Variants in ANKS1B observed in about 807,000 individuals in gnomAD.
ANKS1B encodes the protein ankyrin repeat and sterile alpha motif domain containing 1B.
A neutral mutation model predicts 148.3 loss-of-function variants in ANKS1B; 36 were observed. That is an observed-to-expected ratio of 0.24 (90% CI 0.19 to 0.32). The LOEUF is 0.32. Among genes scored for constraint, ANKS1B ranks in the 10% least tolerant of loss-of-function variants. ANKS1B has a pLI of 1.00. For missense variants in ANKS1B, 1,157 were observed against 1,542.6 expected (o/e 0.75, Z 4.19); for synonymous variants, 542 against 560.8 (o/e 0.97, Z 0.47).
In ANKS1B at chr12:98,801,242, T is replaced by G. The variant is rs139784054; in HGVS notation, c.3142-117A>C. On this transcript the variant is annotated intron_variant, in intron 20 of 26. Coordinates refer to ENST00000683438, the MANE Select transcript of ANKS1B (RefSeq NM_001352186.2). The surrounding 1 kb of genome is among the most constrained non-coding windows in gnomAD (Gnocchi z 5.2). ...GTGAATGTACCAAAATGCATTTGGG[T>G]GTCTTATGTGAATATAAATACTTGG... The G allele has an allele frequency of 1.3e-3, 1,224 of 929,162 alleles. 9 individuals carry two copies. In the African/African-American group the frequency reaches 0.018, roughly 14 times the overall value. The allele number at this position is 929,162 out of a possible 1,614,324, so 57.6% of individuals were successfully genotyped here.
chr12:99,304,722 A>G (rs1322372241), intron 12 of ANKS1B, among the ~76,000 whole-genome samples: 4 of 152,146 alleles, frequency 2.6e-5, no homozygotes, highest in Non-Finnish European at 5.9e-5. Flanking sequence ...TCTGTTTATC[A>G]TAGGCTCTGG....
chr12:99,454,118 A>G (rs2095805777), intron 10 of ANKS1B, among the ~76,000 whole-genome samples: 1 of 152,218 alleles, frequency 6.6e-6, no homozygotes, highest in Non-Finnish European at 1.5e-5. Context: ...GCTTGGCTGA[A>G]GCACAGGATA....
At chr12:99,356,264 G>A (rs537749064) in intron 12 of ANKS1B, among the ~76,000 whole-genome samples, 3 of 152,248 alleles carry the variant, frequency 2.0e-5, no homozygotes, top group East Asian at 1.9e-4. Flanking sequence ...CTGTGCCAGC[G>A]TAAGTTGCTG....
At chr12:98,958,403 G>A (rs1465590196) in intron 17 of ANKS1B, among the ~76,000 whole-genome samples, 1 of 152,140 alleles carries the variant, frequency 6.6e-6, no homozygotes, top group African/African-American at 2.4e-5. Flanking sequence ...ATACTCACTC[G>A]AATGTGATAG....
At chr12:99,757,761 T>TA (rs994226783) in intron 8 of ANKS1B, among the ~76,000 whole-genome samples, 1 of 151,946 alleles carries the variant, frequency 6.6e-6, no homozygotes, top group African/African-American at 2.4e-5. Context: ...TATGCCACCA[T>TA]AAAAAAGAAT....
At chr12:99,820,844 C>T (rs1476274385) in intron 2 of ANKS1B, among the ~76,000 whole-genome samples, 1 of 151,816 alleles carries the variant, frequency 6.6e-6, no homozygotes, top group Non-Finnish European at 1.5e-5. Flanking sequence ...CTGGTAAAAG[C>T]ATAGACTTAG....
chr12:99,200,182 C>T (rs1334141948), intron 14 of ANKS1B, among the ~76,000 whole-genome samples: 3 of 152,200 alleles, frequency 2.0e-5, no homozygotes, highest in African/African-American at 4.8e-5. Context: ...AAAATACTTG[C>T]ATTCTAGTTT....
At chr12:99,434,431 T>C (rs1165985611) in intron 11 of ANKS1B, among the ~76,000 whole-genome samples, 1 of 152,132 alleles carries the variant, frequency 6.6e-6, no homozygotes, top group Non-Finnish European at 1.5e-5. Context: ...TGTATTTCAT[T>C]TTTGATGAAC....
chr12:99,630,291 C>T (rs977476563), intron 9 of ANKS1B, among the ~76,000 whole-genome samples: 1 of 152,176 alleles, frequency 6.6e-6, no homozygotes, highest in Non-Finnish European at 1.5e-5. Context: ...TCTAATAAAG[C>T]ACTGATGCAT....
chr12:99,805,650 T>A (rs1197687389), intron 4 of ANKS1B, among the ~76,000 whole-genome samples: 1 of 151,898 alleles, frequency 6.6e-6, no homozygotes, highest in East Asian at 1.9e-4. Context: ...ATAATAATAA[T>A]AAAATATACT....
intron 12 of ANKS1B, among the ~76,000 whole-genome samples, chr12:99,330,336 C>A (rs2087260634): frequency 1.3e-5 from 2 of 151,870 alleles, no homozygotes; most frequent in South Asian, 4.1e-4. Context: ...ATGCACATAT[C>A]CAGTACATAA....
intron 15 of ANKS1B, among the ~76,000 whole-genome samples, chr12:99,136,380 T>C (rs1293910503): frequency 2.6e-5 from 4 of 152,132 alleles, no homozygotes; most frequent in African/African-American, 7.2e-5. Flanking sequence ...AGGTCTCTAG[T>C]ATTATGGGGT....
intron 12 of ANKS1B, among the ~76,000 whole-genome samples, chr12:99,344,582 C>G (rs995812239): frequency 2.0e-5 from 3 of 151,906 alleles, no homozygotes; most frequent in Non-Finnish European, 2.9e-5. Flanking sequence ...TAGTTAAACC[C>G]TAGATATCAA....
intron 17 of ANKS1B, among the ~76,000 whole-genome samples, chr12:99,046,607 G>A (rs1178175513): frequency 6.6e-6 from 1 of 151,946 alleles, no homozygotes; most frequent in East Asian, 1.9e-4. Context: ...AGACCATCCT[G>A]GCTAACACGC....
chr12:99,769,042 C>A (rs935709323), intron 8 of ANKS1B, among the ~76,000 whole-genome samples: 1 of 151,310 alleles, frequency 6.6e-6, no homozygotes, highest in African/African-American at 2.4e-5. Flanking sequence ...ACCCAATCTA[C>A]GCTAATTTGT....
In ANKS1B at chr12:99,984,567, T is replaced by C. The variant is rs74314936; in HGVS notation, c.-330A>G. 8,959 of 234,794 alleles carry C rather than the reference T, an allele frequency of 0.038. 1,012 individuals carry two copies. Among genetic ancestry groups the C allele is most frequent in the East Asian group, 0.37 (4,202 of 11,206 alleles). 14.5% of individuals were successfully genotyped at this position (234,794 alleles called of 1,614,324 possible). ...AGGGGGTGGGGACTCGGGGGTGCTT[T>C]TGAGGAGCGGGAGGAGGGTGGTGAG... On this transcript the variant is annotated 5_prime_UTR_variant, in exon 1 of 27. Transcript: ENST00000683438.
intron 24 of ANKS1B, 97 bp downstream of exon 24, chr12:98,781,020 A>C (rs564598400): frequency 5.7e-6 from 4 of 703,586 alleles, no homozygotes; most frequent in African/African-American, 5.4e-5. Flanking sequence ...GGATGATTAC[A>C]GTGGGGAGTG....
chr12:99,852,464 C>T (rs1393950284), intron 1 of ANKS1B, among the ~76,000 whole-genome samples: 1 of 152,140 alleles, frequency 6.6e-6, no homozygotes, highest in Non-Finnish European at 1.5e-5. Flanking sequence ...ATTTACTATG[C>T]TAGGCACTGG....
At chr12:99,174,382 C>G (rs971759300) in intron 14 of ANKS1B, among the ~76,000 whole-genome samples, 1 of 152,228 alleles carries the variant, frequency 6.6e-6, no homozygotes, top group African/African-American at 2.4e-5. Context: ...ACAGAAATTG[C>G]GAGATTATAA....
Sources: gnomAD v4.1 joint callset for allele counts (sites outside exome capture counted in the v4.1 genomes callset) on GRCh38, gnomAD v4.1.1 for gene constraint, Gnocchi (gnomAD v3.1) non-coding constraint, MANE v1.5 for transcripts, NCBI Gene and HGNC (gene_info 2026-07-23, HGNC 2026-07-21) for gene names.